The following C19orf18 variants were observed in gnomAD, a reference collection of about 807,000 sequenced individuals.
The protein encoded by C19orf18 is chromosome 19 open reading frame 18, also known as uncharacterized protein C19orf18.
A neutral mutation model predicts 23.3 loss-of-function variants in C19orf18; 21 were observed. The observed-to-expected ratio is 0.90, with a 90% CI of 0.64 to 1.30. The LOEUF is 1.30. Ranked by LOEUF, C19orf18 falls within the 50% of genes most tolerant of loss-of-function variation. The pLI is 0.00. For missense variants in C19orf18, 249 were observed against 259.6 expected, an observed-to-expected ratio of 0.96 and a Z score of 0.28; for synonymous variants, 96 against 95.2, an observed-to-expected ratio of 1.01 and a Z score of -0.05.
At position 57,966,577 on chromosome 19, in the gene C19orf18, G is replaced by A; in HGVS notation, c.324C>T (p.Ala108=). The change falls in exon 4 of 6, where the codon GCC becomes GCT. Residue 108 remains alanine, a synonymous_variant. Transcript: ENST00000314391. ...TCCCACATATCAGGGCAATGCTGAA[G>A]GCTACGCTCGAAATTAAAATTACTT... The part of the protein sequence containing the change: ...LVKVILISSV[A]FSIALICGMA... The A allele has an allele frequency of 6.2e-7, 1 of 1,613,306 alleles. No homozygotes were observed. The highest frequency in any genetic ancestry group is 8.5e-7 in the Non-Finnish European group (1 of 1,179,450).
In C19orf18 at chr19:57,974,118, C is replaced by G; in HGVS notation, c.207G>C (p.Gly69=). ...FHKTQLPGIQ[G]AASRSTAASP... is the part of the protein sequence containing the mutation. ...ACTCACCCGTGGATCTCGAGGCAGC[C>G]CCTTGAATCCCAGGCAACTGGGTTT... The change falls in exon 2 of 6, where the codon GGG becomes GGC. Residue 69 remains glycine (G), a synonymous_variant. Transcript: ENST00000314391. 1 of 1,614,072 alleles carries G rather than the reference C, an allele frequency of 6.2e-7. No individual in the cohort carries two copies. Among genetic ancestry groups the G allele is most frequent in the Non-Finnish European group, 8.5e-7 (1 of 1,179,994 alleles).
At position 57,974,523 on chromosome 19, in the gene C19orf18, A is replaced by C. The variant is rs568066896; in HGVS notation, c.-91T>G. On this transcript the variant is annotated 5_prime_UTR_variant, in exon 1 of 6. Transcript: ENST00000314391. ...TGTCCTCTATTTATCTGAGGAATCA[A>C]GAAGTTCTACTCCCTTCAGAATGTT... The C allele has an allele frequency of 2.6e-5, 39 of 1,517,264 alleles. No individual in the cohort carries two copies. In the African/African-American group the frequency reaches 4.4e-4, roughly 17 times the overall value. 94.0% of individuals were successfully genotyped at this position (1,517,264 alleles called of 1,614,324 possible). A position where few individuals can be genotyped will look rare whatever the true frequency, so the allele number is the denominator to read the frequency against.
chr19:57,962,648 G>C (rs765920478), intron 4 of C19orf18, among the ~76,000 whole-genome samples: 11 of 152,152 alleles, frequency 7.2e-5, no homozygotes, highest in Admixed American at 2.6e-4. Flanking sequence ...CTGAGGTCAG[G>C]AGTTGGAGGC....
At chr19:57,972,578 A>G (rs1350124149) in intron 2 of C19orf18, 74 bp from the exon 3 acceptor site, 7 of 1,537,028 alleles carry the variant, frequency 4.6e-6, no homozygotes, top group Non-Finnish European at 6.3e-6. Context: ...AAAACAAGGA[A>G]ATAACTTAGC....
chr19:57,972,097 G>A (rs1343387361), intron 3 of C19orf18, among the ~76,000 whole-genome samples: 2 of 152,186 alleles, frequency 1.3e-5, no homozygotes, highest in African/African-American at 4.8e-5. Flanking sequence ...TTCTGCTTTG[G>A]AGGACTCTGA....
intron 4 of C19orf18, among the ~76,000 whole-genome samples, chr19:57,961,986 TTC>T (rs1359484170): frequency 2.0e-5 from 3 of 150,608 alleles, no homozygotes; most frequent in African/African-American, 7.3e-5. Context: ...CTCTCTCCCT[TTC>T]TCTTTCCCTT....
At position 57,958,582 on chromosome 19, in the gene C19orf18, G is replaced by A. The variant is rs201702237; in HGVS notation, c.*20C>T. 166 of 1,514,994 alleles carry A rather than the reference G, an allele frequency of 1.1e-4. No homozygotes were observed. In the African/African-American group the frequency reaches 1.7e-3, roughly 16 times the overall value. 93.8% of individuals were successfully genotyped at this position (1,514,994 alleles called of 1,614,324 possible). A position where few individuals can be genotyped will look rare whatever the true frequency, so the allele number is the denominator to read the frequency against. On this transcript the variant is annotated 3_prime_UTR_variant, in exon 6 of 6. Coordinates refer to ENST00000314391, the MANE Select transcript of C19orf18 (RefSeq NM_152474.5). ...CCATAGTTTCTCCTCTGCCTCAGCC[G>A]GCACCTCTGTCGTCTGCGTTCACAA...
At chr19:57,972,640 G>A (rs185945713) in intron 2 of C19orf18, 136 bp from the exon 3 acceptor site, 7 of 911,576 alleles carry the variant, frequency 7.7e-6, no homozygotes, top group East Asian at 2.6e-5. Flanking sequence ...GATGGGATGT[G>A]TTAATACATT....
intron 4 of C19orf18, among the ~76,000 whole-genome samples, chr19:57,966,316 C>T (rs1475463515): frequency 6.6e-6 from 1 of 152,150 alleles, no homozygotes; most frequent in Admixed American, 6.6e-5. Context: ...GAATTGTATT[C>T]TGTCCTGTGT....
At position 57,961,192 on chromosome 19, in the gene C19orf18, G is replaced by A. The variant is rs147574816; in HGVS notation, c.532+199C>T. Among the ~76,000 whole-genome samples, 8,244 of 151,582 alleles carry A rather than the reference G, an allele frequency of 0.054. 327 individuals carry two copies. The highest frequency in any genetic ancestry group is 0.082 in the Middle Eastern group (24 of 294). ...GGAGCTTGCAGTGAGCAGAGATCGC[G>A]CCACTGCACTCCAGCCTGGGCTACA... is the stretch of plus-strand genomic sequence containing the variant. On this transcript the variant is annotated intron_variant, in intron 5 of 5. Coordinates refer to ENST00000314391, the MANE Select transcript of C19orf18 (RefSeq NM_152474.5).
intron 4 of C19orf18, among the ~76,000 whole-genome samples, chr19:57,964,320 C>T (rs541240248): frequency 6.6e-6 from 1 of 152,312 alleles, no homozygotes; most frequent in South Asian, 2.1e-4. Flanking sequence ...CTCACTCTGT[C>T]GCCCAGGAGG....
chr19:57,969,595 AACCAAG>A (rs2072932120), intron 3 of C19orf18, among the ~76,000 whole-genome samples: 1 of 132,680 alleles, frequency 7.5e-6, no homozygotes. Flanking sequence ...AAAAAAAAAA[AACCAAG>A]AAAAAAAACA....
intron 4 of C19orf18, among the ~76,000 whole-genome samples, chr19:57,963,020 AC>A (rs2072884004): frequency 7.0e-6 from 1 of 143,778 alleles, no homozygotes; most frequent in Admixed American, 7.0e-5. Flanking sequence ...GAGTATTTTA[AC>A]TCAATTTTTT....
At chr19:57,963,308 C>T (rs905407431) in intron 4 of C19orf18, among the ~76,000 whole-genome samples, 3 of 151,690 alleles carry the variant, frequency 2.0e-5, no homozygotes, top group African/African-American at 2.4e-5. Flanking sequence ...GGATTACAGG[C>T]GTGAGCCACC....
chr19:57,970,706 G>GGATTA (rs11267882), intron 3 of C19orf18, among the ~76,000 whole-genome samples: 2 of 151,296 alleles, frequency 1.3e-5, no homozygotes, highest in African/African-American at 4.9e-5. Flanking sequence ...CGAGTAGCTG[G>GGATTA]CCTCCACCAT....
chr19:57,959,094 TAG>T (rs1453395461), intron 5 of C19orf18, among the ~76,000 whole-genome samples: 3 of 152,344 alleles, frequency 2.0e-5, no homozygotes, highest in South Asian at 2.1e-4. Context: ...CTGGAGTTTT[TAG>T]AGAGTGAGTC....
chr19:57,972,580 T>C, intron 2 of C19orf18, 76 bp from the exon 3 acceptor site: 7 of 1,522,326 alleles, frequency 4.6e-6, no homozygotes, highest in Non-Finnish European at 6.3e-6. Flanking sequence ...AACAAGGAAA[T>C]AACTTAGCAT....
chr19:57,958,494 T>A lies in C19orf18; in HGVS notation c.*108A>T. 4.4e-6 allele frequency: 3 copies of A among 680,942 alleles called. No individual in the cohort carries two copies. Among genetic ancestry groups the A allele is most frequent in the Non-Finnish European group, 7.4e-6 (3 of 402,846 alleles). 42.2% of individuals were successfully genotyped at this position (680,942 alleles called of 1,614,324 possible). A position where few individuals can be genotyped will look rare whatever the true frequency, so the allele number is the denominator to read the frequency against. ...ACAGGTCTGGCATTTCTTTCTTTGATGTCCTCTTCCATAAGGTTCTCTGGG... is the reference window on the plus strand; with the variant it reads ...ACAGGTCTGGCATTTCTTTCTTTGAAGTCCTCTTCCATAAGGTTCTCTGGG... On this transcript the variant is annotated 3_prime_UTR_variant, in exon 6 of 6. Coordinates refer to ENST00000314391, the MANE Select transcript of C19orf18 (RefSeq NM_152474.5).
At position 57,961,445 on chromosome 19, in the gene C19orf18, ACT is replaced by A. The variant is rs764114687; in HGVS notation, c.476_477del (p.Glu159ValfsTer11). On this transcript the variant is annotated frameshift_variant, in exon 5 of 6. Transcript: ENST00000314391. LOFTEE classifies it high-confidence loss of function. ...TCGTTCTCTGGAAGTAGGTGCGTGG[ACT>A]CACCCTCGTCCTCTGAGCCCTCTTC... ...DEEEGSEDEG[E>X]STHLLPENEN... 3.4e-5 allele frequency: 55 copies of A among 1,613,842 alleles called. No individual in the cohort carries two copies. Among genetic ancestry groups the A allele is most frequent in the Middle Eastern group, 3.3e-4 (2 of 6,084 alleles).
Sources: gnomAD v4.1 joint callset for allele counts (sites outside exome capture counted in the v4.1 genomes callset) on GRCh38, gnomAD v4.1.1 for gene constraint, MANE v1.5 for transcripts, NCBI Gene and HGNC (gene_info 2026-07-23, HGNC 2026-07-21) for gene names.